Variants in FAM47E observed in about 807,000 individuals in gnomAD.
FAM47E encodes family with sequence similarity 47 member E.
In FAM47E, 32 loss-of-function variants were observed where a neutral mutation model predicts 41.6. The ratio of observed to expected loss-of-function variants is 0.77; its 90% CI spans 0.58 to 1.03. FAM47E has a LOEUF of 1.03. Among genes scored for constraint, FAM47E ranks in the 50% least tolerant of loss-of-function variants. FAM47E has a pLI of 0.00. For missense variants in FAM47E, 424 were observed against 485.4 expected (o/e 0.87, Z 1.19); for synonymous variants, 184 against 188.7 (o/e 0.98, Z 0.20).
chr4:76,214,137 C>T (rs1733149828), exon 1 of FAM47E: 4 of 441,800 alleles, frequency 9.1e-6, no homozygotes, highest in Non-Finnish European at 9.1e-6. Context: ...CTGAGGGCCT[C>T]CCATGGGCCA....
intron 2 of FAM47E, among the ~76,000 whole-genome samples, chr4:76,233,732 C>T (rs997811210): frequency 6.6e-6 from 1 of 152,078 alleles, no homozygotes; most frequent in African/African-American, 2.4e-5. Context: ...CAGGCTCATC[C>T]CCTAAGGCAG....
chr4:76,228,404 G>A (rs1167066687), intron 2 of FAM47E, among the ~76,000 whole-genome samples: 10 of 151,622 alleles, frequency 6.6e-5, no homozygotes, highest in South Asian at 2.1e-4. Context: ...ACTTGAACCC[G>A]GAAGGTGAAG....
At chr4:76,236,849 G>A (rs1733595164) in intron 2 of FAM47E, among the ~76,000 whole-genome samples, 1 of 151,606 alleles carries the variant, frequency 6.6e-6, no homozygotes, top group Non-Finnish European at 1.5e-5. Context: ...AAGCCTTCAG[G>A]TAGTAGGCTT....
At chr4:76,277,110 G>A (rs1214176246) in intron 5 of FAM47E, among the ~76,000 whole-genome samples, 3 of 152,126 alleles carry the variant, frequency 2.0e-5, no homozygotes, top group East Asian at 1.9e-4. Context: ...TTCTCCTAAC[G>A]TCCTTGATGT....
chr4:76,246,139 T>C (rs1340433301), intron 2 of FAM47E, among the ~76,000 whole-genome samples: 3 of 152,090 alleles, frequency 2.0e-5, no homozygotes, highest in Non-Finnish European at 4.4e-5. Flanking sequence ...GTAAGCAAGG[T>C]TTAGGACTAT....
At chr4:76,220,592 T>G (rs1733290193) in intron 2 of FAM47E, among the ~76,000 whole-genome samples, 1 of 152,246 alleles carries the variant, frequency 6.6e-6, no homozygotes, top group Non-Finnish European at 1.5e-5. Context: ...GCCACTGTAC[T>G]CCAGCCTGTG....
At chr4:76,223,487 T>C (rs1294122311) in intron 2 of FAM47E, among the ~76,000 whole-genome samples, 1 of 152,194 alleles carries the variant, frequency 6.6e-6, no homozygotes, top group Non-Finnish European at 1.5e-5. Context: ...CAGAATGTGA[T>C]GTGCATCACA....
At chr4:76,237,487 A>G (rs2218264) in intron 2 of FAM47E, among the ~76,000 whole-genome samples, 112,297 of 151,780 alleles carry the variant, frequency 0.74, 42,362 homozygotes, top group East Asian at 0.82. Context: ...GTCTGTCCCA[A>G]TCCAGCTCCA....
At chr4:76,255,398 T>C (rs879208898) in intron 1 of FAM47E, among the ~76,000 whole-genome samples, 4 of 152,190 alleles carry the variant, frequency 2.6e-5, no homozygotes, top group Admixed American at 2.6e-4. Context: ...GTGTCTGTTA[T>C]GTTGAAAATT....
chr4:76,256,798 A>G (rs1388470669), intron 2 of FAM47E, among the ~76,000 whole-genome samples: 3 of 152,160 alleles, frequency 2.0e-5, no homozygotes, highest in African/African-American at 7.2e-5. Flanking sequence ...TATGACTTCT[A>G]TTCCCCATAA....
upstream of FAM47E, among the ~76,000 whole-genome samples, chr4:76,250,793 C>T (rs756085952): frequency 1.3e-5 from 2 of 152,172 alleles, no homozygotes; most frequent in Non-Finnish European, 1.5e-5. Flanking sequence ...CACAACAGCT[C>T]TGTTAAGTAG....
Position 76,221,624 on chromosome 4 carries a change from C to G in FAM47E, c.81+3936C>G, listed in dbSNP as rs187445819. On this transcript the variant is annotated intron_variant, in intron 2 of 7. Coordinates refer to the FAM47E transcript ENST00000510197. ...CATGAGCCACCGCACCCGGCCTATT[C>G]CCCATTATTTCAAGCGAACTACTGC... is the stretch of plus-strand genomic sequence containing the variant. 3.5e-4 allele frequency among the ~76,000 whole-genome samples: 54 copies of G among 152,192 alleles called. 1 individual carries two copies. The South Asian group carries it at 0.011, about 30-fold the overall frequency.
intron 7 of FAM47E, chr4:76,281,956 C>G (rs1197045197): frequency 6.6e-6 from 1 of 151,924 alleles, no homozygotes; most frequent in Non-Finnish European, 1.5e-5. Flanking sequence ...TTAGTGAGGG[C>G]GGGGGTAGGT....
At chr4:76,237,770 G>A (rs930292415) in intron 2 of FAM47E, among the ~76,000 whole-genome samples, 2 of 152,108 alleles carry the variant, frequency 1.3e-5, no homozygotes, top group African/African-American at 4.8e-5. Context: ...CAGAGCAGGA[G>A]CAAGAGAGAG....
intron 5 of FAM47E, among the ~76,000 whole-genome samples, chr4:76,276,054 A>C (rs1177487170): frequency 7.9e-6 from 1 of 127,374 alleles, no homozygotes; most frequent in Non-Finnish European, 1.8e-5. Flanking sequence ...ACACACACAC[A>C]CACACACACA....
At chr4:76,216,982 C>G (rs1212492264) in intron 1 of FAM47E, among the ~76,000 whole-genome samples, 1 of 152,188 alleles carries the variant, frequency 6.6e-6, no homozygotes, top group Non-Finnish European at 1.5e-5. Flanking sequence ...TGTTCAGTTC[C>G]ATCTTCTCTA....
At chr4:76,283,164 A>C (rs1423796942) in intron 7 of FAM47E, 1 of 392,528 alleles carries the variant, frequency 2.5e-6, no homozygotes. Context: ...GGCACAGAAC[A>C]AGTGTGAATT....
chr4:76,223,785 G>A (rs1733348765), intron 2 of FAM47E, among the ~76,000 whole-genome samples: 1 of 152,158 alleles, frequency 6.6e-6, no homozygotes, highest in Non-Finnish European at 1.5e-5. Context: ...CTCAAAACTG[G>A]TATTTGGACT....
At chr4:76,231,495 G>A (rs771279554) in intron 2 of FAM47E, among the ~76,000 whole-genome samples, 1 of 151,294 alleles carries the variant, frequency 6.6e-6, no homozygotes, top group Non-Finnish European at 1.5e-5. Flanking sequence ...TTTGAAACAC[G>A]ATTTCTCACT....
Sources: allele counts gnomAD v4.1 joint callset (sites outside exome capture counted in the v4.1 genomes callset), GRCh38; gene constraint gnomAD v4.1.1; transcripts MANE v1.5; gene names NCBI Gene and HGNC (gene_info 2026-07-23, HGNC 2026-07-21).